KCNIP4: variants seen among roughly 807,000 people sequenced by gnomAD.
KCNIP4 encodes potassium voltage-gated channel interacting protein 4.
In KCNIP4, 12 loss-of-function variants were observed where a neutral mutation model predicts 34.0. The observed-to-expected ratio is 0.35, with a 90% CI of 0.23 to 0.57. The LOEUF is 0.57. KCNIP4 is among the 20% of genes least tolerant of loss of function. The pLI is 0.83. For missense variants in KCNIP4, 238 were observed against 311.7 expected, an observed-to-expected ratio of 0.76 and a Z score of 1.78; for synonymous variants, 124 against 102.2, an observed-to-expected ratio of 1.21 and a Z score of -1.29.
At chr4:20,850,421 T>C (rs1379001968) in intron 3 of KCNIP4, 122 bp downstream of exon 3, 2 of 1,007,326 alleles carry the variant, frequency 2.0e-6, no homozygotes, top group Middle Eastern at 3.3e-4. Context: ...CTGGGAAGGA[T>C]CAGTATGAAA....
At chr4:21,289,812 A>G (rs1763329679) in intron 1 of KCNIP4, among the ~76,000 whole-genome samples, 1 of 152,154 alleles carries the variant, frequency 6.6e-6, no homozygotes, top group Non-Finnish European at 1.5e-5. Flanking sequence ...ATAAAATGGA[A>G]ACTCAGAAAT....
At chr4:21,494,503 G>A (rs964103875) in intron 1 of KCNIP4, among the ~76,000 whole-genome samples, 8 of 151,982 alleles carry the variant, frequency 5.3e-5, no homozygotes, top group Non-Finnish European at 7.4e-5. Context: ...TGCTGAGTGC[G>A]GTGGCTTATG....
chr4:21,245,090 C>A (rs1163447956), intron 1 of KCNIP4, among the ~76,000 whole-genome samples: 1 of 152,162 alleles, frequency 6.6e-6, no homozygotes, highest in Non-Finnish European at 1.5e-5. Flanking sequence ...TCTCCTATCT[C>A]AGCTTCATGA....
At chr4:21,519,850 T>TG (rs1735368673) in intron 1 of KCNIP4, among the ~76,000 whole-genome samples, 1 of 140,778 alleles carries the variant, frequency 7.1e-6, no homozygotes, top group South Asian at 2.2e-4. Flanking sequence ...TGTGTATATA[T>TG]TTATATATTT....
intron 1 of KCNIP4, among the ~76,000 whole-genome samples, chr4:21,369,799 C>G (rs34967618): frequency 0.59 from 84,076 of 141,882 alleles, 26,713 homozygotes; most frequent in Non-Finnish European, 0.63. Context: ...AGGGAAGGGC[C>G]GAGACCTTAA....
intron 1 of KCNIP4, among the ~76,000 whole-genome samples, chr4:21,252,733 C>T (rs1009387390): frequency 4.0e-5 from 6 of 150,614 alleles, no homozygotes; most frequent in Non-Finnish European, 8.8e-5. Context: ...TAGAAATATC[C>T]ATCTTTCCCT....
chr4:21,509,038 T>G (rs1050336428), intron 1 of KCNIP4, among the ~76,000 whole-genome samples: 1 of 152,162 alleles, frequency 6.6e-6, no homozygotes, highest in Non-Finnish European at 1.5e-5. Context: ...ATAGGGTTTT[T>G]CCCCTCATAG....
At chr4:21,567,041 T>G (rs1182375650) in intron 1 of KCNIP4, among the ~76,000 whole-genome samples, 1 of 152,138 alleles carries the variant, frequency 6.6e-6, no homozygotes, top group Non-Finnish European at 1.5e-5. Context: ...TTATTTCCTA[T>G]TATATTTTTA....
intron 1 of KCNIP4, among the ~76,000 whole-genome samples, chr4:21,518,798 G>A (rs549376553): frequency 2.6e-5 from 4 of 152,112 alleles, no homozygotes; most frequent in African/African-American, 7.2e-5. Flanking sequence ...GGATATTTTC[G>A]GGGACACTGA....
intron 1 of KCNIP4, among the ~76,000 whole-genome samples, chr4:21,646,788 A>G (rs1159330444): frequency 6.6e-6 from 1 of 152,220 alleles, no homozygotes; most frequent in East Asian, 1.9e-4. Flanking sequence ...TCTATGGCAA[A>G]TCAATCACAT....
chr4:21,433,847 A>G (rs28459394), intron 1 of KCNIP4, among the ~76,000 whole-genome samples: 1,547 of 152,316 alleles, frequency 0.01, 27 homozygotes, highest in African/African-American at 0.035. Flanking sequence ...ACTTGCTTCC[A>G]TATAAATAAT....
chr4:21,227,895 T>C (rs1026547214), intron 1 of KCNIP4, among the ~76,000 whole-genome samples: 11 of 152,168 alleles, frequency 7.2e-5, no homozygotes, highest in African/African-American at 2.7e-4. Context: ...ACTAGTTTTA[T>C]AGAACAGAGC....
intron 1 of KCNIP4, among the ~76,000 whole-genome samples, chr4:20,980,922 C>T (rs1190971332): frequency 1.3e-5 from 2 of 152,098 alleles, no homozygotes; most frequent in African/African-American, 4.8e-5. Flanking sequence ...TGTCAACCTT[C>T]ATCATTTTCA....
At chr4:21,567,264 G>T (rs13131712) in intron 1 of KCNIP4, among the ~76,000 whole-genome samples, 14,488 of 150,674 alleles carry the variant, frequency 0.096, 710 homozygotes, top group Middle Eastern at 0.19. Flanking sequence ...GTGTACATTT[G>T]TGTATATATA....
chr4:21,903,398 T>C (rs772112439), intron 1 of KCNIP4, among the ~76,000 whole-genome samples: 2 of 152,156 alleles, frequency 1.3e-5, no homozygotes, highest in East Asian at 1.9e-4. Flanking sequence ...TTATTAACCA[T>C]ATGGAAAACC....
intron 3 of KCNIP4, among the ~76,000 whole-genome samples, chr4:20,777,601 A>G (rs73802322): frequency 0.015 from 2,245 of 152,286 alleles, 60 homozygotes; most frequent in African/African-American, 0.051. Context: ...CAGCACCTCG[A>G]TCCTGGACTT....
intron 1 of KCNIP4, among the ~76,000 whole-genome samples, chr4:21,008,617 G>A (rs905644257): frequency 4.0e-5 from 6 of 151,412 alleles, no homozygotes; most frequent in Non-Finnish European, 7.4e-5. Context: ...TCCGCCTCCC[G>A]GGTTCACGCC....
At chr4:21,733,862 AT>A (rs1715792474) in intron 1 of KCNIP4, among the ~76,000 whole-genome samples, 6 of 152,186 alleles carry the variant, frequency 3.9e-5, no homozygotes, top group Admixed American at 3.3e-4. Context: ...AAGTTTAGCC[AT>A]TCCCATCAAT....
chr4:20,897,762 C>A (rs925563923), intron 1 of KCNIP4, among the ~76,000 whole-genome samples: 1 of 152,140 alleles, frequency 6.6e-6, no homozygotes, highest in Non-Finnish European at 1.5e-5. Flanking sequence ...GAAGGAAAGA[C>A]GCCTGCTGGC....
Sources: allele counts gnomAD v4.1 joint callset (sites outside exome capture counted in the v4.1 genomes callset), GRCh38; gene constraint gnomAD v4.1.1; transcripts MANE v1.5; gene names NCBI Gene and HGNC (gene_info 2026-07-23, HGNC 2026-07-21).